The following MYT1L variants were observed in gnomAD, a reference collection of about 807,000 sequenced individuals.
MYT1L encodes the protein myelin transcription factor 1 like.
MYT1L carries 12 observed loss-of-function variants against 126.7 expected under a neutral mutation model. The ratio of observed to expected loss-of-function variants is 0.09; its 90% CI spans 0.06 to 0.15. The LOEUF (loss-of-function observed/expected upper bound fraction) is 0.15, where lower values mean the gene tolerates loss of function less well. MYT1L is among the 10% of genes least tolerant of loss of function. The pLI, the probability that MYT1L is intolerant of heterozygous loss-of-function variation, is 1.00. For missense variants in MYT1L, 979 were observed against 1,585.2 expected (o/e 0.62, Z 6.49); for synonymous variants, 541 against 604.2 (o/e 0.90, Z 1.53).
Position 2,059,008 on chromosome 2 carries a change from C to T in MYT1L, c.-303-4885G>A, listed in dbSNP as rs1284258761. Among the ~76,000 whole-genome samples, 2 of 152,194 alleles carry T rather than the reference C, an allele frequency of 1.3e-5. No homozygotes were observed. Among genetic ancestry groups the T allele is most frequent in the African/African-American group, 4.8e-5 (2 of 41,452 alleles). On this transcript the variant is annotated intron_variant, in intron 3 of 24. Coordinates refer to ENST00000647738, the MANE Select transcript of MYT1L (RefSeq NM_001303052.2). The surrounding 1 kb of genome is among the most constrained non-coding windows in gnomAD (Gnocchi z 4.7). ...AAGTGGAATATGAATTGAAACCATA[C>T]CTAAGTGTGACTGCAGTTTATATAA...
rs539029658 is a variant in MYT1L, at chr2:1,801,564, G to T, written c.3276+132C>A. 1 of 647,818 alleles carries T rather than the reference G, an allele frequency of 1.5e-6. No homozygotes were observed. The allele number at this position is 647,818 out of a possible 1,614,324, so 40.1% of individuals were successfully genotyped here. A position where few individuals can be genotyped will look rare whatever the true frequency, so the allele number is the denominator to read the frequency against. ...GTCTGCGGAAGACCAATATCATAAGGTGGAAAAATAAAGGAAATAAAAGAG... is the reference window on the plus strand; with the variant it reads ...GTCTGCGGAAGACCAATATCATAAGTTGGAAAAATAAAGGAAATAAAAGAG... On this transcript the variant is annotated intron_variant, in intron 23 of 24. Transcript: ENST00000647738. This position sits in a 1 kb window ranked among gnomAD's most constrained non-coding sequence, Gnocchi z 4.2.
chr2:2,320,903 G>A (rs2096152373), intron 1 of MYT1L, among the ~76,000 whole-genome samples: 2 of 152,194 alleles, frequency 1.3e-5, no homozygotes, highest in African/African-American at 2.4e-5. Flanking sequence ...CCTGCAACTG[G>A]TGATGAGCAA....
intron 5 of MYT1L, among the ~76,000 whole-genome samples, chr2:1,981,711 T>C (rs1342443015): frequency 2.6e-5 from 4 of 152,122 alleles, no homozygotes; most frequent in African/African-American, 4.8e-5. Flanking sequence ...GTCGCAAACA[T>C]GTTTTAGAAA....
At chr2:1,921,053 C>T (rs956270030) in intron 10 of MYT1L, among the ~76,000 whole-genome samples, 2 of 152,238 alleles carry the variant, frequency 1.3e-5, no homozygotes, top group Non-Finnish European at 2.9e-5. Flanking sequence ...GGAGAATACA[C>T]GTCTGTGCCA....
At position 1,903,175 on chromosome 2, in the gene MYT1L, A is replaced by C. The variant is rs750635098; in HGVS notation, c.1937T>G (p.Phe646Cys). 6.2e-7 allele frequency: 1 copy of C among 1,614,008 alleles called. No individual in the cohort carries two copies. Among genetic ancestry groups the C allele is most frequent in the South Asian group, 1.1e-5 (1 of 91,078 alleles). ...KELEKYSKTS[F>C]EYNSYDNHTY... ...ATGGTTGTCGTAACTGTTGTATTCAAACGAGGTCTTGGAATATTTCTCGAG... is the reference window on the plus strand; with the variant it reads ...ATGGTTGTCGTAACTGTTGTATTCACACGAGGTCTTGGAATATTTCTCGAG... The change falls in exon 14 of 25, where the codon TTT (phenylalanine) becomes TGT (cysteine). Residue 646 changes from phenylalanine to cysteine, a missense_variant. By Grantham distance (205) the Phe-to-Cys change is radical. Around this residue, in one of 12 missense-constraint regions of MYT1L, gnomAD observed 82 missense variants for 177.2 expected, o/e 0.46. Coordinates refer to ENST00000647738, the MANE Select transcript of MYT1L (RefSeq NM_001303052.2).
intron 5 of MYT1L, among the ~76,000 whole-genome samples, chr2:1,986,314 A>G (rs976931785): frequency 6.6e-6 from 1 of 152,196 alleles, no homozygotes; most frequent in Non-Finnish European, 1.5e-5. Context: ...TGCCACGTCA[A>G]TGGAATGCTG....
intron 1 of MYT1L, among the ~76,000 whole-genome samples, chr2:2,317,646 TA>T (rs936312973): frequency 6.6e-6 from 1 of 152,132 alleles, no homozygotes; most frequent in African/African-American, 2.4e-5. Flanking sequence ...TAATATTAGG[TA>T]AAAATATCCT....
rs1214817683 is a variant in MYT1L, at chr2:1,910,361, A to G, written c.1710-14T>C. 1.9e-6 allele frequency: 3 copies of G among 1,606,980 alleles called. No homozygotes were observed. Among genetic ancestry groups the G allele is most frequent in the Non-Finnish European group, 2.5e-6 (3 of 1,178,226 alleles). On this transcript the variant is annotated splice_polypyrimidine_tract_variant and intron_variant, in intron 12 of 24. Transcript: ENST00000647738. The surrounding 1 kb of genome is among the most constrained non-coding windows in gnomAD (Gnocchi z 4.8). ...CATCCGGAGAGGCTGCAATCACAGA[A>G]AGCGGGTTGAATGGTCCCGCCTCAA...
chr2:2,055,690 T>C (rs2069433619), intron 3 of MYT1L, among the ~76,000 whole-genome samples: 1 of 152,206 alleles, frequency 6.6e-6, no homozygotes. Flanking sequence ...GATTGAGAAA[T>C]AGTAGGATTG....
chr2:1,831,859 C>T (rs1451398004), intron 21 of MYT1L, among the ~76,000 whole-genome samples: 1 of 152,092 alleles, frequency 6.6e-6, no homozygotes, highest in African/African-American at 2.4e-5. Context: ...CCCCTGGACC[C>T]CTGAGTCCCG....
At chr2:2,227,526 G>C (rs1415062060) in intron 2 of MYT1L, among the ~76,000 whole-genome samples, 1 of 152,128 alleles carries the variant, frequency 6.6e-6, no homozygotes. Context: ...GAACCCATAA[G>C]GACCTCATCT....
In MYT1L at chr2:1,894,848, C is replaced by T. The variant is rs547235064; in HGVS notation, c.2033-2561G>A. On this transcript the variant is annotated intron_variant, in intron 14 of 24. Transcript: ENST00000647738. ...TCATGAGCCCCTCTCACAGTGACTC[C>T]TGCTACACTGTGCTCACAGCATCCT... is the stretch of plus-strand genomic sequence containing the variant. 2.8e-4 allele frequency among the ~76,000 whole-genome samples: 43 copies of T among 152,312 alleles called. 2 individuals are homozygous for T. In the South Asian group the frequency reaches 8.5e-3, roughly 30 times the overall value.
intron 3 of MYT1L, among the ~76,000 whole-genome samples, chr2:2,158,110 T>C (rs1228883182): frequency 6.6e-6 from 1 of 152,024 alleles, no homozygotes; most frequent in East Asian, 1.9e-4. Context: ...TCATCTGCCT[T>C]TGTCCACAAT....
intron 8 of MYT1L, among the ~76,000 whole-genome samples, chr2:1,953,687 G>T (rs2058087835): frequency 6.6e-6 from 1 of 152,236 alleles, no homozygotes; most frequent in South Asian, 2.1e-4. Context: ...AAGCAAAGGG[G>T]TGGGTGTTCA....
rs187196347 is a variant in MYT1L, at chr2:2,310,597, C to T, written c.-521+20370G>A. On this transcript the variant is annotated intron_variant, in intron 1 of 24. Transcript: ENST00000647738. ...ACTATAATTAGCTGCTAGAACCCTA[C>T]GTTTTCTTCAAAGATTATTTTAAAC... Among the ~76,000 whole-genome samples, 245 of 152,282 alleles carry T rather than the reference C, an allele frequency of 1.6e-3. 1 individual carries two copies. The highest frequency in any genetic ancestry group is 3.6e-3 in the African/African-American group (151 of 41,554).
At chr2:2,168,721 G>A (rs1032093099) in intron 3 of MYT1L, among the ~76,000 whole-genome samples, 6 of 152,050 alleles carry the variant, frequency 3.9e-5, no homozygotes, top group African/African-American at 9.7e-5. Flanking sequence ...AGCCCTGAGC[G>A]TGTTTTACTC....
chr2:1,956,612 CTATCTAT>C, intron 8 of MYT1L, among the ~76,000 whole-genome samples: 2 of 149,110 alleles, frequency 1.3e-5, no homozygotes, highest in African/African-American at 4.9e-5. Flanking sequence ...ATCTATCTAT[CTATCTAT>C]CTACCTACCT....
At chr2:1,833,794 A>T (rs993240797) in intron 21 of MYT1L, among the ~76,000 whole-genome samples, 4 of 152,176 alleles carry the variant, frequency 2.6e-5, no homozygotes, top group African/African-American at 9.7e-5. Flanking sequence ...CTCTTACATC[A>T]GTTCTGCTTT....
Position 2,193,968 on chromosome 2 carries a change from T to C in MYT1L, c.-420-20980A>G, listed in dbSNP as rs536878852. Among the ~76,000 whole-genome samples the C allele has an allele frequency of 3.5e-5, 4 of 115,146 alleles. 1 individual carries two copies. In the South Asian group the frequency reaches 9.7e-4, roughly 28 times the overall value. 75.5% of individuals were successfully genotyped at this position (115,146 alleles called of 152,430 possible). A position where few individuals can be genotyped will look rare whatever the true frequency, so the allele number is the denominator to read the frequency against. On this transcript the variant is annotated intron_variant, in intron 2 of 24. Transcript: ENST00000647738. The stretch of plus-strand genomic sequence containing the variant: ...ATTATTTTTAATAAAAATTATGTTT[T>C]TGTTCTCTAAATCATTATAGTGATT...
Sources: gnomAD v4.1 joint callset for allele counts (sites outside exome capture counted in the v4.1 genomes callset) on GRCh38, gnomAD v4.1.1 for gene constraint, gnomAD v4.1.1 regional missense constraint, Gnocchi (gnomAD v3.1) non-coding constraint, MANE v1.5 for transcripts, NCBI Gene and HGNC (gene_info 2026-07-23, HGNC 2026-07-21) for gene names.